The following LIPE variants were observed in gnomAD, a reference collection of about 807,000 sequenced individuals.
The protein encoded by LIPE is lipase E, hormone sensitive type, also known as hormone-sensitive lipase.
In LIPE, 66 loss-of-function variants were observed where a neutral mutation model predicts 88.5. That is an observed-to-expected ratio of 0.75 (90% CI 0.61 to 0.91). The LOEUF (loss-of-function observed/expected upper bound fraction) is 0.91. LIPE is among the 40% of genes least tolerant of loss of function. The probability of loss-of-function intolerance (pLI) is 0.00; values close to 1 mark genes in which losing one functional copy is unlikely to be tolerated. For missense variants in LIPE, 1,346 were observed against 1,434.7 expected, an observed-to-expected ratio of 0.94 and a Z score of 1.00; for synonymous variants, 570 against 617.5, an observed-to-expected ratio of 0.92 and a Z score of 1.14.
At chr19:42,402,115 G>A (rs35620536) in intron 9 of LIPE, 40 bp from the exon 10 acceptor site, 3 of 1,430,940 alleles carry the variant, frequency 2.1e-6, no homozygotes, top group Non-Finnish European at 2.8e-6. Context: ...GAGGGTGGGG[G>A]ACAGACAGAC....
intron 1 of LIPE, chr19:42,423,402 G>C (rs1201636275): frequency 7.8e-7 from 1 of 1,289,106 alleles, no homozygotes; most frequent in East Asian, 5.6e-5. Context: ...GGCTGCTGCC[G>C]GTCTCCGCGC....
intron 8 of LIPE, among the ~76,000 whole-genome samples, chr19:42,404,219 T>C (rs1320998728): frequency 6.6e-6 from 1 of 151,032 alleles, no homozygotes; most frequent in African/African-American, 2.4e-5. Flanking sequence ...CATGCCACCA[T>C]GTCCAGCTAC....
In LIPE at chr19:42,426,570, C is replaced by T; in HGVS notation, c.580G>A (p.Ala194Thr). Reference sequence around the variant, plus strand: ...GTCAAAGATCCCTGCTTGGATTTGGCTCCCTGGACTGGCGTTGTTTGCTTG... The same window carrying T: ...GTCAAAGATCCCTGCTTGGATTTGGTTCCCTGGACTGGCGTTGTTTGCTTG... ...SDKQTTPVQG[A>T]KSKQGSLTEL... is the part of the protein sequence containing the mutation. Residue 194 changes from alanine (A) to threonine (T), a missense_variant, in exon 1 of 10, where the codon GCC (alanine) becomes ACC (threonine). Transcript: ENST00000244289. 1 of 1,614,196 alleles carries T rather than the reference C, an allele frequency of 6.2e-7. No individual in the cohort carries two copies.
At position 42,401,840 on chromosome 19, in the gene LIPE, A is replaced by AACCC; in HGVS notation, c.3202_3203insGGGT (p.Val1068GlyfsTer24). On this transcript the variant is annotated frameshift_variant, in exon 10 of 10. Coordinates refer to ENST00000244289, the MANE Select transcript of LIPE (RefSeq NM_005357.4). LOFTEE classifies it high-confidence loss of function. ...GTGTCGCCCCCCGCAGCCCCCGTCTACCCCCGCAGCCCCCGTCTCCCCGCT... is the reference window on the plus strand; with the variant it reads ...GTGTCGCCCCCCGCAGCCCCCGTCTAACCCCCCCCGCAGCCCCCGTCTCCCCGCT... 1 of 1,453,912 alleles carries AACCC rather than the reference A, an allele frequency of 6.9e-7. No individual in the cohort carries two copies. Among genetic ancestry groups the AACCC allele is most frequent in the Non-Finnish European group, 9.1e-7 (1 of 1,102,262 alleles). The allele number at this position is 1,453,912 out of a possible 1,614,324, so 90.1% of individuals were successfully genotyped here.
At chr19:42,418,967 C>T (rs886517747) in intron 1 of LIPE, among the ~76,000 whole-genome samples, 6 of 151,994 alleles carry the variant, frequency 3.9e-5, no homozygotes, top group African/African-American at 7.2e-5. Flanking sequence ...GCATCCATGC[C>T]GGTAGGGATC....
chr19:42,423,964 C>CT, intron 1 of LIPE: 1 of 1,168,224 alleles, frequency 8.6e-7, no homozygotes, highest in Non-Finnish European at 1.1e-6. Context: ...CCCGGCCCGC[C>CT]TTTTGAAGGG....
Position 42,426,617 on chromosome 19 carries a change from T to A in LIPE, c.533A>T (p.Gln178Leu). 1 of 1,614,220 alleles carries A rather than the reference T, an allele frequency of 6.2e-7. No homozygotes were observed. Among genetic ancestry groups the A allele is most frequent in the Admixed American group, 1.7e-5 (1 of 60,012 alleles). ...EPSAPTESTS[Q>L]ETPEQSDKQT... Reference sequence around the variant, plus strand: ...CTTGTCTGACTGTTCAGGTGTCTCTTGGGACGTAGATTCAGTCGGGGCAGA... The same window carrying A: ...CTTGTCTGACTGTTCAGGTGTCTCTAGGGACGTAGATTCAGTCGGGGCAGA... The change falls in exon 1 of 10, where the codon CAA (glutamine) becomes CTA (leucine). Residue 178 changes from glutamine to leucine, a missense_variant. Gln to Leu is a moderately radical substitution (Grantham distance 113). Transcript: ENST00000244289.
At chr19:42,423,544 C>A (rs1045372284) in intron 1 of LIPE, 1 of 1,246,242 alleles carries the variant, frequency 8.0e-7, no homozygotes, top group African/African-American at 1.6e-5. Context: ...CATCAATTCC[C>A]CGCGGTCCTC....
chr19:42,401,859 C>T lies in LIPE; in HGVS notation c.3184G>A (p.Glu1062Lys). Residue 1062 changes from glutamate to lysine, a missense_variant, in exon 10 of 10, where the codon GAG (glutamate) becomes AAG (lysine). By Grantham distance (56) the Glu-to-Lys change is moderately conservative. Coordinates refer to ENST00000244289, the MANE Select transcript of LIPE (RefSeq NM_005357.4). The stretch of plus-strand genomic sequence containing the variant: ...CCGTCTACCCCCGCAGCCCCCGTCT[C>T]CCCGCTCGGCCCGGCTCCGGCGGGA... ...TPPAGAGPSGETGAAGVDGGC... is the reference protein window; with the variant it reads ...TPPAGAGPSGKTGAAGVDGGC... 2 of 1,512,222 alleles carry T rather than the reference C, an allele frequency of 1.3e-6. No individual in the cohort carries two copies. Among genetic ancestry groups the T allele is most frequent in the Admixed American group, 2.0e-5 (1 of 48,906 alleles). 93.7% of individuals were successfully genotyped at this position (1,512,222 alleles called of 1,614,324 possible).
At position 42,402,834 on chromosome 19, in the gene LIPE, G is replaced by T. The variant is rs1568594053; in HGVS notation, c.2740C>A (p.Pro914Thr). 1 of 1,613,776 alleles carries T rather than the reference G, an allele frequency of 6.2e-7. No individual in the cohort carries two copies. The highest frequency in any genetic ancestry group is 1.7e-5 in the Admixed American group (1 of 60,000). Residue 914 changes from proline (P) to threonine (T), a missense_variant, in exon 9 of 10, where the codon CCA becomes ACA. By Grantham distance (38) the Pro-to-Thr change is conservative. Transcript: ENST00000244289. The part of the protein sequence containing the change: ...STPSDVNFLL[P>T]PEDAGEEAEA... ...GCCTCTTCCCCTGCATCCTCAGGTG[G>T]TAATAAGAAGTTGACATCGGAGGGT...
chr19:42,424,475 C>T (rs1348124366), intron 1 of LIPE: 2 of 456,230 alleles, frequency 4.4e-6, no homozygotes, highest in Non-Finnish European at 8.8e-6. Flanking sequence ...GCTCTGGAGG[C>T]CTGGAGAAAC....
At chr19:42,415,727 G>A (rs1016995749) in intron 1 of LIPE, among the ~76,000 whole-genome samples, 7 of 151,046 alleles carry the variant, frequency 4.6e-5, no homozygotes, top group Non-Finnish European at 1.0e-4. Flanking sequence ...GGAGAATGGC[G>A]TGAACCTGGG....
chr19:42,411,673 T>C (rs1172495516), intron 1 of LIPE, among the ~76,000 whole-genome samples: 1 of 152,170 alleles, frequency 6.6e-6, no homozygotes, highest in Non-Finnish European at 1.5e-5. Flanking sequence ...CCTCCCTGTT[T>C]CTCTGTGAGA....
At position 42,410,495 on chromosome 19, in the gene LIPE, C is replaced by T. The variant is rs559629120; in HGVS notation, c.1231G>A (p.Glu411Lys). 8 of 1,613,830 alleles carry T rather than the reference C, an allele frequency of 5.0e-6. No homozygotes were observed. The Admixed American group carries it at 5.0e-5, about 10-fold the overall frequency. ...IFFRTSHNLA[E>K]LEAYLAALTQ... ...AGGGCAGCCAGGTAGGCCTCCAGCT[C>T]GGCCAGGTTGTGGCTGGTGCGGAAG... The change falls in exon 2 of 10, where the codon GAG (glutamate) becomes AAG (lysine). Residue 411 changes from glutamate to lysine, a missense_variant. Transcript: ENST00000244289. The surrounding 1 kb of genome is among the most constrained non-coding windows in gnomAD (Gnocchi z 6.1).
rs773086393 is a variant in LIPE, at chr19:42,403,044, G to A, written c.2543-13C>T. The A allele has an allele frequency of 2.6e-6, 4 of 1,533,054 alleles. No homozygotes were observed. Among genetic ancestry groups the A allele is most frequent in the South Asian group, 2.4e-5 (2 of 82,130 alleles). The allele number at this position is 1,533,054 out of a possible 1,614,324, so 95.0% of individuals were successfully genotyped here. A position where few individuals can be genotyped will look rare whatever the true frequency, so the allele number is the denominator to read the frequency against. On this transcript the variant is annotated splice_polypyrimidine_tract_variant and intron_variant, in intron 8 of 9. Coordinates refer to ENST00000244289, the MANE Select transcript of LIPE (RefSeq NM_005357.4). Reference sequence around the variant, plus strand: ...CGGCGCATCGGCTCTGAGAGAGGGAGAGCAGATAGGCCTGGCTCCGTTAGT... The same window carrying A: ...CGGCGCATCGGCTCTGAGAGAGGGAAAGCAGATAGGCCTGGCTCCGTTAGT...
At chr19:42,412,512 T>C in intron 1 of LIPE, 1 of 985,596 alleles carries the variant, frequency 1.0e-6, no homozygotes, top group Non-Finnish European at 1.2e-6. Context: ...GAAAGATCAG[T>C]GAGGACCACG....
At position 42,406,225 on chromosome 19, in the gene LIPE, C is replaced by G; in HGVS notation, c.2301G>C (p.Leu767=). The change falls in exon 7 of 10, where the codon CTG becomes CTC. Residue 767 remains leucine, a synonymous_variant. Coordinates refer to ENST00000244289, the MANE Select transcript of LIPE (RefSeq NM_005357.4). This position sits in a 1 kb window ranked among gnomAD's most constrained non-coding sequence, Gnocchi z 5.7. ...MLQPAASPSR[L]LSLMDPLLPL... is the part of the protein sequence containing the mutation. Reference sequence around the variant, plus strand: ...GCAGCAAGGGGTCCATGAGGCTCAGCAGGCGGGAGGGAGAGGCGGCAGGCT... The same window carrying G: ...GCAGCAAGGGGTCCATGAGGCTCAGGAGGCGGGAGGGAGAGGCGGCAGGCT... 2 of 1,613,814 alleles carry G rather than the reference C, an allele frequency of 1.2e-6. No individual in the cohort carries two copies. Among genetic ancestry groups the G allele is most frequent in the Non-Finnish European group, 8.5e-7 (1 of 1,179,856 alleles).
At position 42,408,351 on chromosome 19, in the gene LIPE, C is replaced by G; in HGVS notation, c.1420-29G>C. ...TGGAGAGACGCGGCTGCGTCACCCACCGCTCAAGAGAGGGATGGGGACAGG... is the reference window on the plus strand; with the variant it reads ...TGGAGAGACGCGGCTGCGTCACCCAGCGCTCAAGAGAGGGATGGGGACAGG... On this transcript the variant is annotated intron_variant, in intron 2 of 9. Transcript: ENST00000244289. This position sits in a 1 kb window ranked among gnomAD's most constrained non-coding sequence, Gnocchi z 4.3. The G allele has an allele frequency of 6.4e-7, 1 of 1,572,572 alleles. No homozygotes were observed. The highest frequency in any genetic ancestry group is 1.1e-5 in the South Asian group (1 of 90,260).
chr19:42,403,066 T>G (rs1249741617), intron 8 of LIPE, 35 bp from the exon 9 acceptor site: 1 of 1,503,338 alleles, frequency 6.7e-7, no homozygotes, highest in Admixed American at 2.0e-5. Flanking sequence ...CTGGCTCCGT[T>G]AGTTTGGTTG....
Sources: gnomAD v4.1 joint callset for allele counts (sites outside exome capture counted in the v4.1 genomes callset) on GRCh38, gnomAD v4.1.1 for gene constraint, Gnocchi (gnomAD v3.1) non-coding constraint, MANE v1.5 for transcripts, NCBI Gene and HGNC (gene_info 2026-07-23, HGNC 2026-07-21) for gene names.